ARHGAP26: variants seen among roughly 807,000 people sequenced by gnomAD.
The protein encoded by ARHGAP26 is Rho GTPase activating protein 26.
A neutral mutation model predicts 104.8 loss-of-function variants in ARHGAP26; 38 were observed. The ratio of observed to expected loss-of-function variants is 0.36; its 90% CI spans 0.28 to 0.48. ARHGAP26 has a LOEUF of 0.48. Ranked by LOEUF, ARHGAP26 falls within the 20% of genes least tolerant of loss-of-function variation. ARHGAP26 has a pLI of 0.99. For missense variants in ARHGAP26, 704 were observed against 947.9 expected, an observed-to-expected ratio of 0.74 and a Z score of 3.38; for synonymous variants, 341 against 340.0, an observed-to-expected ratio of 1.00 and a Z score of -0.03.
At chr5:142,863,713 C>T (rs1243807921) in intron 1 of ARHGAP26, among the ~76,000 whole-genome samples, 3 of 152,176 alleles carry the variant, frequency 2.0e-5, no homozygotes, top group Non-Finnish European at 4.4e-5. Flanking sequence ...GCACCATTGG[C>T]TTCACCTGGG....
chr5:142,950,911 C>G (rs1363513093), intron 11 of ARHGAP26, among the ~76,000 whole-genome samples: 1 of 152,220 alleles, frequency 6.6e-6, no homozygotes, highest in Non-Finnish European at 1.5e-5. Context: ...GAAGTAGATT[C>G]TAGGTTGGTA....
intron 11 of ARHGAP26, among the ~76,000 whole-genome samples, chr5:143,008,548 G>A (rs1216494166): frequency 6.6e-6 from 1 of 152,212 alleles, no homozygotes; most frequent in African/African-American, 2.4e-5. Context: ...AACCTCAGGG[G>A]ATCATAGAGT....
At chr5:142,780,972 A>G (rs1359653624) in intron 1 of ARHGAP26, among the ~76,000 whole-genome samples, 4 of 152,202 alleles carry the variant, frequency 2.6e-5, no homozygotes, top group African/African-American at 9.6e-5. Flanking sequence ...GTCCTCTGCC[A>G]TCTCTGTTCC....
chr5:142,930,115 C>T (rs1401430536), intron 10 of ARHGAP26, among the ~76,000 whole-genome samples: 3 of 152,156 alleles, frequency 2.0e-5, no homozygotes, highest in Non-Finnish European at 2.9e-5. Context: ...GCAGGTGGTA[C>T]AGGAGCAGCA....
At chr5:143,214,138 G>T in intron 22 of ARHGAP26, 50 bp downstream of exon 22, 1 of 446,402 alleles carries the variant, frequency 2.2e-6, no homozygotes, top group South Asian at 1.8e-5. Context: ...CGGGGGCAAG[G>T]GGAGCACATA....
At chr5:142,771,025 T>C in intron 1 of ARHGAP26, 110 bp downstream of exon 1, 1 of 1,453,854 alleles carries the variant, frequency 6.9e-7, no homozygotes, top group South Asian at 1.4e-5. Context: ...CCCGGTACAC[T>C]GGGGGACGGG....
intron 1 of ARHGAP26, among the ~76,000 whole-genome samples, chr5:142,829,487 C>G (rs373439155): frequency 2.0e-4 from 30 of 152,324 alleles, no homozygotes; most frequent in Middle Eastern, 3.4e-3. Context: ...ATAGTTGTTA[C>G]AATTCTCACC....
At chr5:143,027,303 C>G (rs1397225185) in intron 12 of ARHGAP26, among the ~76,000 whole-genome samples, 1 of 151,004 alleles carries the variant, frequency 6.6e-6, no homozygotes, top group Non-Finnish European at 1.5e-5. Context: ...TCCCAAGTAG[C>G]TGGTATTACA....
At chr5:142,771,291 G>T in intron 1 of ARHGAP26, 1 of 1,237,806 alleles carries the variant, frequency 8.1e-7, no homozygotes, top group Admixed American at 4.2e-5. Context: ...AGCTCCCTTA[G>T]GGGCAGAGTT....
At chr5:142,848,820 G>A (rs1443884167) in intron 1 of ARHGAP26, among the ~76,000 whole-genome samples, 1 of 152,154 alleles carries the variant, frequency 6.6e-6, no homozygotes, top group African/African-American at 2.4e-5. Context: ...CCTAGCCATG[G>A]CTTGTGGGAA....
chr5:142,804,460 A>G (rs933503556), intron 1 of ARHGAP26, among the ~76,000 whole-genome samples: 2 of 152,286 alleles, frequency 1.3e-5, no homozygotes, highest in Admixed American at 6.5e-5. Flanking sequence ...TTCCAAGCAT[A>G]TTATTAAGCA....
In ARHGAP26 at chr5:143,085,044, CAAAAAAAAAAA is replaced by C. The variant is rs56852430; in HGVS notation, c.1538+27310_1538+27320del. Among the ~76,000 whole-genome samples the C allele has an allele frequency of 3.1e-4, 19 of 61,654 alleles. No homozygotes were observed. The South Asian group carries it at 4.1e-3, about 13-fold the overall frequency. The allele number at this position is 61,654 out of a possible 152,430, so 40.4% of individuals were successfully genotyped here. A position where few individuals can be genotyped will look rare whatever the true frequency, so the allele number is the denominator to read the frequency against. The stretch of plus-strand genomic sequence containing the variant: ...TGGGCAACAGAGCAAGACTCCATCT[CAAAAAAAAAAA>C]AAAAAAAAAAAAGAAACGCTTTCTG... On this transcript the variant is annotated intron_variant, in intron 17 of 22. Transcript: ENST00000645722.
intron 1 of ARHGAP26, among the ~76,000 whole-genome samples, chr5:142,863,847 A>G (rs1345483571): frequency 6.6e-6 from 1 of 152,160 alleles, no homozygotes; most frequent in Non-Finnish European, 1.5e-5. Context: ...AGGAAAAGGC[A>G]TTCCAGAAAC....
chr5:143,120,606 T>C (rs758722065), intron 17 of ARHGAP26, among the ~76,000 whole-genome samples: 3 of 152,180 alleles, frequency 2.0e-5, no homozygotes, highest in Admixed American at 6.5e-5. Flanking sequence ...TGGAGAAAAA[T>C]GCTAACGATT....
chr5:142,811,904 C>G (rs1260121862), intron 1 of ARHGAP26, among the ~76,000 whole-genome samples: 1 of 152,172 alleles, frequency 6.6e-6, no homozygotes, highest in Non-Finnish European at 1.5e-5. Context: ...CTAAGTAATT[C>G]TTGAAACCTC....
intron 1 of ARHGAP26, among the ~76,000 whole-genome samples, chr5:142,819,459 C>G (rs1358307159): frequency 6.6e-6 from 1 of 152,198 alleles, no homozygotes; most frequent in Non-Finnish European, 1.5e-5. Flanking sequence ...GCCCTCTCCT[C>G]CCATAGCCTG....
intron 1 of ARHGAP26, among the ~76,000 whole-genome samples, chr5:142,819,467 C>T (rs946385527): frequency 1.3e-5 from 2 of 152,200 alleles, no homozygotes; most frequent in African/African-American, 2.4e-5. Flanking sequence ...CTCCCATAGC[C>T]TGCTCTGCCA....
At chr5:143,149,745 A>T (rs1210189656) in intron 20 of ARHGAP26, among the ~76,000 whole-genome samples, 1 of 152,200 alleles carries the variant, frequency 6.6e-6, no homozygotes, top group East Asian at 1.9e-4. Flanking sequence ...TCCAGTGGGA[A>T]CACTTAATGA....
intron 18 of ARHGAP26, among the ~76,000 whole-genome samples, chr5:143,126,248 C>A (rs1425330539): frequency 2.0e-5 from 3 of 152,190 alleles, no homozygotes; most frequent in Non-Finnish European, 4.4e-5. Context: ...CTCAGAGGAG[C>A]AGCATTAATC....
Sources: allele counts gnomAD v4.1 joint callset (sites outside exome capture counted in the v4.1 genomes callset), GRCh38; gene constraint gnomAD v4.1.1; transcripts MANE v1.5; gene names NCBI Gene and HGNC (gene_info 2026-07-23, HGNC 2026-07-21).